NDRG1: variants seen among roughly 807,000 people sequenced by gnomAD.
NDRG1 encodes the protein protein NDRG1.
In NDRG1, 32 loss-of-function variants were observed where a neutral mutation model predicts 56.9. The observed-to-expected ratio is 0.56, with a 90% CI of 0.42 to 0.76. The LOEUF is 0.76. Among genes scored for constraint, NDRG1 ranks in the 30% least tolerant of loss-of-function variants. The probability of loss-of-function intolerance (pLI) is 0.00; values close to 1 mark genes in which losing one functional copy is unlikely to be tolerated. For synonymous variants in NDRG1, 211 were observed against 204.1 expected (o/e 1.03, Z -0.29); for missense variants, 507 against 545.7 (o/e 0.93, Z 0.71).
intron 1 of NDRG1, among the ~76,000 whole-genome samples, chr8:133,293,738 C>T (rs1477061229): frequency 6.6e-6 from 1 of 152,182 alleles, no homozygotes; most frequent in Non-Finnish European, 1.5e-5. Flanking sequence ...CATTCCCAAC[C>T]CAGCCAAAGG....
chr8:133,244,710 G>A, intron 13 of NDRG1: 1 of 505,120 alleles, frequency 2.0e-6, no homozygotes, highest in Non-Finnish European at 3.6e-6. Flanking sequence ...ACTGGGCCAG[G>A]AAGAGCTTGA....
chr8:133,258,934 CCAT>C, intron 6 of NDRG1: 1 of 595,192 alleles, frequency 1.7e-6, no homozygotes, highest in Non-Finnish European at 3.0e-6. Context: ...GGGGCAGCTG[CCAT>C]CATGCAATAT....
chr8:133,266,803 A>G (rs1463313233), intron 3 of NDRG1, among the ~76,000 whole-genome samples: 3 of 152,196 alleles, frequency 2.0e-5, no homozygotes, highest in African/African-American at 4.8e-5. Flanking sequence ...GGCAGTGGAA[A>G]TGGCCCCGGG....
At chr8:133,251,497 C>T (rs1048401971) in intron 9 of NDRG1, among the ~76,000 whole-genome samples, 5 of 152,186 alleles carry the variant, frequency 3.3e-5, no homozygotes, top group Admixed American at 6.5e-5. Flanking sequence ...ACACCATGGC[C>T]GGACCAACCA....
chr8:133,257,312 C>G (rs1157159143), intron 7 of NDRG1, among the ~76,000 whole-genome samples: 1 of 113,552 alleles, frequency 8.8e-6, no homozygotes, highest in African/African-American at 3.4e-5. Flanking sequence ...CACACACACA[C>G]ACACAGAGAG....
At chr8:133,284,168 C>A (rs765293869) in intron 2 of NDRG1, 81 bp downstream of exon 2, 108 of 1,332,562 alleles carry the variant, frequency 8.1e-5, no homozygotes, top group Non-Finnish European at 1.1e-4. Context: ...CCCATAAGTA[C>A]AAGTGTGAGC....
At chr8:133,263,653 T>G (rs921772367) in intron 4 of NDRG1, among the ~76,000 whole-genome samples, 1 of 152,212 alleles carries the variant, frequency 6.6e-6, no homozygotes, top group Non-Finnish European at 1.5e-5. Context: ...CAATGGCTCA[T>G]GCCTGTAATC....
intron 1 of NDRG1, among the ~76,000 whole-genome samples, chr8:133,296,229 CG>C (rs1858746252): frequency 7.2e-6 from 1 of 138,362 alleles, no homozygotes; most frequent in South Asian, 2.6e-4. Flanking sequence ...AGGGCAGGAG[CG>C]GCCAGCACCA....
intron 14 of NDRG1, among the ~76,000 whole-genome samples, chr8:133,243,147 C>G (rs1345843130): frequency 6.6e-6 from 1 of 152,192 alleles, no homozygotes; most frequent in Non-Finnish European, 1.5e-5. Flanking sequence ...GACCCCCCTC[C>G]CTGCTCTCCA....
At chr8:133,259,317 T>A (rs571297026) in intron 5 of NDRG1, 87 bp from the exon 6 acceptor site, 2 of 1,352,240 alleles carry the variant, frequency 1.5e-6, no homozygotes, top group Admixed American at 1.7e-5. Flanking sequence ...GTGGGGACCA[T>A]GCAGCAGCCT....
chr8:133,243,561 T>TC (rs1467580576), intron 14 of NDRG1, among the ~76,000 whole-genome samples: 1 of 152,102 alleles, frequency 6.6e-6, no homozygotes, highest in Non-Finnish European at 1.5e-5. Context: ...CAGGAATTGC[T>TC]CCCCCCTGTG....
chr8:133,280,336 A>G lies in NDRG1; in HGVS notation c.64-69T>C, dbSNP rs147970965. ...TGTAAGAGAAATAATATTGGGACAT[A>G]TGGGCCTTTCTATGACCTGAATCTG... is the stretch of plus-strand genomic sequence containing the variant. On this transcript the variant is annotated intron_variant, in intron 2 of 15. Transcript: ENST00000323851. 3.8e-5 allele frequency: 57 copies of G among 1,507,000 alleles called. No homozygotes were observed. In the East Asian group the frequency reaches 1.2e-3, roughly 33 times the overall value. 93.4% of individuals were successfully genotyped at this position (1,507,000 alleles called of 1,614,324 possible). A position where few individuals can be genotyped will look rare whatever the true frequency, so the allele number is the denominator to read the frequency against.
intron 3 of NDRG1, among the ~76,000 whole-genome samples, chr8:133,268,885 A>C (rs939597371): frequency 2.0e-5 from 3 of 151,342 alleles, no homozygotes; most frequent in Non-Finnish European, 4.4e-5. Context: ...ACACACACAC[A>C]CACAACAAAC....
intron 1 of NDRG1, chr8:133,288,326 A>T (rs1290601782): frequency 2.0e-5 from 3 of 151,762 alleles, no homozygotes; most frequent in Admixed American, 2.0e-4. Context: ...CCTTCACTCC[A>T]CTCTCCCCAA....
intron 3 of NDRG1, among the ~76,000 whole-genome samples, chr8:133,267,469 A>G (rs1037615459): frequency 6.6e-6 from 1 of 151,944 alleles, no homozygotes; most frequent in Non-Finnish European, 1.5e-5. Context: ...GCTCAGCCCC[A>G]TCTCCCTTCT....
intron 10 of NDRG1, 106 bp downstream of exon 10, chr8:133,250,334 G>A (rs1156265415): frequency 1.0e-5 from 11 of 1,052,452 alleles, no homozygotes; most frequent in African/African-American, 6.3e-5. Flanking sequence ...CTCAGAGCCT[G>A]CCTCTTCCGC....
At chr8:133,260,646 CAATT>C (rs1586443409) in intron 5 of NDRG1, among the ~76,000 whole-genome samples, 1 of 152,212 alleles carries the variant, frequency 6.6e-6, no homozygotes. Context: ...TGCTGGTTAA[CAATT>C]AACCACGTCC....
intron 3 of NDRG1, among the ~76,000 whole-genome samples, chr8:133,265,169 G>A (rs778780919): frequency 2.2e-4 from 33 of 152,180 alleles, no homozygotes; most frequent in Middle Eastern, 3.4e-3. Context: ...CCCTCCCCAC[G>A]TTTCACAAGT....
intron 7 of NDRG1, 143 bp downstream of exon 7, chr8:133,258,223 C>T (rs1027830060): frequency 8.9e-6 from 7 of 789,532 alleles, no homozygotes; most frequent in Non-Finnish European, 1.5e-5. Context: ...AGTACCCATG[C>T]ACCACACACA....
Sources: gnomAD v4.1 joint callset for allele counts (sites outside exome capture counted in the v4.1 genomes callset) on GRCh38, gnomAD v4.1.1 for gene constraint, MANE v1.5 for transcripts, NCBI Gene and HGNC (gene_info 2026-07-23, HGNC 2026-07-21) for gene names.